AP2M1: variants seen among roughly 807,000 people sequenced by gnomAD.
AP2M1 encodes the protein AP-2 complex subunit mu.
AP2M1 carries 5 observed loss-of-function variants against 54.5 expected under a neutral mutation model. The ratio of observed to expected loss-of-function variants is 0.09; its 90% CI spans 0.05 to 0.19. AP2M1 has a LOEUF of 0.19. Among genes scored for constraint, AP2M1 ranks in the 10% least tolerant of loss-of-function variants. The probability of loss-of-function intolerance (pLI) is 1.00; values close to 1 mark genes in which losing one functional copy is unlikely to be tolerated. For synonymous variants in AP2M1, 186 were observed against 208.2 expected, an observed-to-expected ratio of 0.89 and a Z score of 0.92; for missense variants, 178 against 580.2, an observed-to-expected ratio of 0.31 and a Z score of 7.12.
Position 184,182,669 on chromosome 3 carries a change from C to T in AP2M1, c.1062-88C>T, listed in dbSNP as rs1461940153. On this transcript the variant is annotated intron_variant, in intron 10 of 11. Coordinates refer to ENST00000292807, the MANE Select transcript of AP2M1 (RefSeq NM_004068.4). The surrounding 1 kb of genome is among the most constrained non-coding windows in gnomAD (Gnocchi z 5.5). Reference sequence around the variant, plus strand: ...CTTGTTCTGGCACCTCCTGCAAGCTCCTGGGCTCTCTCCTTGCTTGAAATG... The same window carrying T: ...CTTGTTCTGGCACCTCCTGCAAGCTTCTGGGCTCTCTCCTTGCTTGAAATG... 3 of 1,152,300 alleles carry T rather than the reference C, an allele frequency of 2.6e-6. No individual in the cohort carries two copies. Among genetic ancestry groups the T allele is most frequent in the African/African-American group, 3.1e-5 (2 of 65,464 alleles). 71.4% of individuals were successfully genotyped at this position (1,152,300 alleles called of 1,614,324 possible).
intron 2 of AP2M1, 113 bp downstream of exon 2, chr3:184,177,180 G>A (rs1560125276): frequency 4.7e-6 from 5 of 1,058,674 alleles, no homozygotes; most frequent in Non-Finnish European, 6.8e-6. Flanking sequence ...CTGACCCCTG[G>A]CTGCACCCTG....
chr3:184,174,977 C>T lies in AP2M1; in HGVS notation c.-44+18C>T. ...GACACCAGGTGAGCCGGGGATCTGG[C>T]CTTATGGCGTGGAGGAGGACGCTGC... is the stretch of plus-strand genomic sequence containing the variant. On this transcript the variant is annotated intron_variant, in intron 1 of 11. Transcript: ENST00000292807. 2.5e-6 allele frequency: 1 copy of T among 398,694 alleles called. No homozygotes were observed. Among genetic ancestry groups the T allele is most frequent in the Non-Finnish European group, 4.4e-6 (1 of 226,130 alleles). 24.7% of individuals were successfully genotyped at this position (398,694 alleles called of 1,614,324 possible). A position where few individuals can be genotyped will look rare whatever the true frequency, so the allele number is the denominator to read the frequency against.
chr3:184,181,974 G>C lies in AP2M1; in HGVS notation c.890G>C (p.Gly297Ala). ...GTGATCCCGCTAGTGCGAGAAGTGG[G>C]ACGCACCAAACTGGAGGTCAAGGTG... Reference protein sequence around the residue: ...FRVIPLVREVGRTKLEVKVVI... With the variant: ...FRVIPLVREVARTKLEVKVVI... Residue 297 changes from glycine (G) to alanine (A), a missense_variant, in exon 9 of 12, where the codon GGA becomes GCA. Coordinates refer to ENST00000292807, the MANE Select transcript of AP2M1 (RefSeq NM_004068.4). The surrounding 1 kb of genome is among the most constrained non-coding windows in gnomAD (Gnocchi z 5.7). The C allele has an allele frequency of 6.2e-7, 1 of 1,614,198 alleles. No individual in the cohort carries two copies. Among genetic ancestry groups the C allele is most frequent in the East Asian group, 2.2e-5 (1 of 44,886 alleles).
chr3:184,175,540 C>T (rs1026827549), intron 1 of AP2M1, among the ~76,000 whole-genome samples: 4 of 152,326 alleles, frequency 2.6e-5, no homozygotes, highest in African/African-American at 7.2e-5. Context: ...CCCAGCTTTC[C>T]CTTATTCACC....
At position 184,180,101 on chromosome 3, in the gene AP2M1, G is replaced by A. The variant is rs1014410132; in HGVS notation, c.341-68G>A. 5 of 1,500,906 alleles carry A rather than the reference G, an allele frequency of 3.3e-6. No homozygotes were observed. Among genetic ancestry groups the A allele is most frequent in the Non-Finnish European group, 4.6e-6 (5 of 1,080,354 alleles). 93.0% of individuals were successfully genotyped at this position (1,500,906 alleles called of 1,614,324 possible). ...TTTGGGAGCTGTGCCGGTCAGATGT[G>A]TAGGCCCAAGTAGGGGCTGGAATGA... is the stretch of plus-strand genomic sequence containing the variant. On this transcript the variant is annotated intron_variant, in intron 3 of 11. Coordinates refer to ENST00000292807, the MANE Select transcript of AP2M1 (RefSeq NM_004068.4). The surrounding 1 kb of genome is among the most constrained non-coding windows in gnomAD (Gnocchi z 4.9).
chr3:184,177,567 T>G, intron 2 of AP2M1: 1 of 1,536,062 alleles, frequency 6.5e-7, no homozygotes, highest in Non-Finnish European at 8.7e-7. Flanking sequence ...CTGACTCAGC[T>G]GTCTTCAGTT....
Position 184,183,745 on chromosome 3 carries a change from G to C in AP2M1, c.*129G>C. 8.7e-7 allele frequency: 1 copy of C among 1,153,464 alleles called. No individual in the cohort carries two copies. Among genetic ancestry groups the C allele is most frequent in the South Asian group, 1.5e-5 (1 of 67,816 alleles). 71.5% of individuals were successfully genotyped at this position (1,153,464 alleles called of 1,614,324 possible). A position where few individuals can be genotyped will look rare whatever the true frequency, so the allele number is the denominator to read the frequency against. On this transcript the variant is annotated 3_prime_UTR_variant, in exon 12 of 12. Coordinates refer to ENST00000292807, the MANE Select transcript of AP2M1 (RefSeq NM_004068.4). This position sits in a 1 kb window ranked among gnomAD's most constrained non-coding sequence, Gnocchi z 5.7. ...CTGCCTTCCCTTTGCACCAGCCCGA[G>C]TCTAGGTCTGGGCCAAGCACATTAC... is the stretch of plus-strand genomic sequence containing the variant.
intron 2 of AP2M1, 64 bp downstream of exon 2, chr3:184,177,131 A>ATTAG: frequency 6.6e-7 from 1 of 1,521,344 alleles, no homozygotes; most frequent in South Asian, 1.2e-5. Context: ...AGCATACAGG[A>ATTAG]TTAGGTCTTT....
chr3:184,176,388 C>T (rs1715073765), intron 1 of AP2M1, among the ~76,000 whole-genome samples: 1 of 152,218 alleles, frequency 6.6e-6, no homozygotes, highest in African/African-American at 2.4e-5. Context: ...CCTAAGGGCT[C>T]CCTTCTCTTC....
intron 1 of AP2M1, chr3:184,176,670 G>T: frequency 2.3e-6 from 1 of 440,802 alleles, no homozygotes; most frequent in Non-Finnish European, 4.0e-6. Flanking sequence ...CTCAGTGCTG[G>T]GGAGAGGGGG....
Position 184,182,858 on chromosome 3 carries a change from T to C in AP2M1, c.1163T>C (p.Met388Thr). ...AAATGGGCTCGACCCCCCATTTCCA[T>C]GAACTTTGAGGTATGGCAGAGGAGG... ...KKKWARPPIS[M>T]NFEVPFAPSG... The change falls in exon 11 of 12, where the codon ATG becomes ACG. Residue 388 changes from methionine (M) to threonine (T), a missense_variant. Met to Thr is a moderately conservative substitution (Grantham distance 81, BLOSUM62 -1). Transcript: ENST00000292807. The surrounding 1 kb of genome is among the most constrained non-coding windows in gnomAD (Gnocchi z 5.5). 6.2e-7 allele frequency: 1 copy of C among 1,613,918 alleles called. No individual in the cohort carries two copies. Among genetic ancestry groups the C allele is most frequent in the East Asian group, 2.2e-5 (1 of 44,864 alleles).
intron 2 of AP2M1, chr3:184,177,606 G>A (rs546560655): frequency 1.3e-6 from 2 of 1,535,990 alleles, no homozygotes; most frequent in East Asian, 4.9e-5. Flanking sequence ...GGGAGTGGCT[G>A]GAAGCGTGAG....
At chr3:184,179,276 C>A in intron 3 of AP2M1, 154 bp downstream of exon 3, 1 of 922,550 alleles carries the variant, frequency 1.1e-6, no homozygotes, top group Non-Finnish European at 1.6e-6. Context: ...CTATGCCCCT[C>A]AGAAGGCCAG....
Position 184,179,253 on chromosome 3 carries a change from TG to T in AP2M1, c.340+134del, listed in dbSNP as rs1459631961. ...TTTCTTTCCTGAGTATTTGGTCTCT[TG>T]GGCTAGGATCTCTATGCCCCTCAGA... On this transcript the variant is annotated intron_variant, in intron 3 of 11. Transcript: ENST00000292807. 3.3e-6 allele frequency: 4 copies of T among 1,208,350 alleles called. No individual in the cohort carries two copies. In the East Asian group the frequency reaches 9.8e-5, roughly 29 times the overall value. The allele number at this position is 1,208,350 out of a possible 1,614,324, so 74.9% of individuals were successfully genotyped here. A position where few individuals can be genotyped will look rare whatever the true frequency, so the allele number is the denominator to read the frequency against.
chr3:184,177,919 C>A, intron 2 of AP2M1: 1 of 598,204 alleles, frequency 1.7e-6, no homozygotes, highest in Non-Finnish European at 3.0e-6. Context: ...TGGCTTGGCC[C>A]TTGCGGGCGT....
chr3:184,176,901 G>T, intron 1 of AP2M1, 50 bp from the exon 2 acceptor site: 1 of 1,334,142 alleles, frequency 7.5e-7, no homozygotes. Context: ...CACAGGGGAT[G>T]TTGGCAGCGA....
In AP2M1 at chr3:184,176,902, T is replaced by C. The variant is rs1715091144; in HGVS notation, c.-43-49T>C. ...GACCTGCACAGCTCCACAGGGGATG[T>C]TGGCAGCGATTCTGAGGTCTTCTTT... is the stretch of plus-strand genomic sequence containing the variant. On this transcript the variant is annotated intron_variant, in intron 1 of 11. Coordinates refer to ENST00000292807, the MANE Select transcript of AP2M1 (RefSeq NM_004068.4). The C allele has an allele frequency of 1.3e-5, 18 of 1,337,130 alleles. No individual in the cohort carries two copies. In the South Asian group the frequency reaches 2.0e-4, roughly 15 times the overall value. 82.8% of individuals were successfully genotyped at this position (1,337,130 alleles called of 1,614,324 possible).
At chr3:184,177,917 C>G (rs1715129683) in intron 2 of AP2M1, 2 of 597,936 alleles carry the variant, frequency 3.3e-6, no homozygotes, top group Admixed American at 2.9e-5. Context: ...GCTGGCTTGG[C>G]CCTTGCGGGC....
chr3:184,177,722 T>TGG, intron 2 of AP2M1: 1 of 1,062,318 alleles, frequency 9.4e-7, no homozygotes, highest in South Asian at 1.4e-5. Flanking sequence ...CAGCCTGCCT[T>TGG]CTCATTCTGC....
Sources: allele counts gnomAD v4.1 joint callset (sites outside exome capture counted in the v4.1 genomes callset), GRCh38; gene constraint gnomAD v4.1.1; non-coding constraint Gnocchi (gnomAD v3.1); transcripts MANE v1.5; gene names NCBI Gene and HGNC (gene_info 2026-07-23, HGNC 2026-07-21).